Variants in KCNG3 observed in about 807,000 individuals in gnomAD.
The protein encoded by KCNG3 is potassium voltage-gated channel modifier subfamily G member 3, also known as voltage-gated potassium channel regulatory subunit KCNG3.
Under a neutral mutation model 29.0 loss-of-function variants are expected in KCNG3, and 15 were observed. The ratio of observed to expected loss-of-function variants is 0.52; its 90% confidence interval spans 0.35 to 0.80. The LOEUF is 0.80. Among genes scored for constraint, KCNG3 ranks in the 30% least tolerant of loss-of-function variants. KCNG3 has a pLI of 0.01. For missense variants in KCNG3, 512 were observed against 605.7 expected (o/e 0.85, Z 1.62); for synonymous variants, 322 against 248.9 (o/e 1.29, Z -2.76).
intron 1 of KCNG3, among the ~76,000 whole-genome samples, chr2:42,488,720 T>C (rs867101366): frequency 1.1e-4 from 17 of 151,988 alleles, no homozygotes; most frequent in African/African-American, 4.1e-4. Context: ...CAGCTAATTT[T>C]TGTATTTTTA....
chr2:42,395,674 G>A, the KCNG3 span, among the ~76,000 whole-genome samples: 2 of 152,160 alleles, frequency 1.3e-5, no homozygotes, highest in African/African-American at 4.8e-5. Context: ...ATACATTTAA[G>A]CCAGCCATGT....
At chr2:42,447,803 C>T (rs1386299706) in intron 1 of KCNG3, among the ~76,000 whole-genome samples, 1 of 152,044 alleles carries the variant, frequency 6.6e-6, no homozygotes, top group Non-Finnish European at 1.5e-5. Context: ...TTCCAAAGCA[C>T]TGGAATTACA....
the KCNG3 span, among the ~76,000 whole-genome samples, chr2:42,435,915 T>A: frequency 7.9e-5 from 12 of 152,206 alleles, no homozygotes; most frequent in Non-Finnish European, 1.6e-4. Flanking sequence ...AGAAACCCTA[T>A]GTCCACATGA....
At chr2:42,492,634 G>T (rs1040425727) in intron 1 of KCNG3, among the ~76,000 whole-genome samples, 1 of 152,234 alleles carries the variant, frequency 6.6e-6, no homozygotes, top group Admixed American at 6.5e-5. Context: ...TCTAGTGTAA[G>T]GGCCAGACCC....
chr2:42,467,897 A>C (rs1184102396), intron 1 of KCNG3, among the ~76,000 whole-genome samples: 1 of 147,604 alleles, frequency 6.8e-6, no homozygotes, highest in Non-Finnish European at 1.5e-5. Flanking sequence ...CCGAGCCTGG[A>C]GAGATTGAGG....
intron 1 of KCNG3, among the ~76,000 whole-genome samples, chr2:42,489,093 A>G (rs1470592555): frequency 2.0e-5 from 3 of 151,188 alleles, no homozygotes; most frequent in Non-Finnish European, 4.4e-5. Flanking sequence ...CCAGGAGTTC[A>G]CAACAGGCCT....
Position 42,443,868 on chromosome 2 carries a change from C to G in KCNG3, c.*66G>C. ...ACTGCAGTGCTCACCCAGCAAGAAA[C>G]ACATAAATATGAAGCAGCATCAAAG... On this transcript the variant is annotated 3_prime_UTR_variant, in exon 2 of 2. Transcript: ENST00000306078. 1 of 1,453,374 alleles carries G rather than the reference C, an allele frequency of 6.9e-7. No homozygotes were observed. The highest frequency in any genetic ancestry group is 9.4e-7 in the Non-Finnish European group (1 of 1,068,940). The allele number at this position is 1,453,374 out of a possible 1,614,324, so 90.0% of individuals were successfully genotyped here.
the KCNG3 span, among the ~76,000 whole-genome samples, chr2:42,418,954 T>C: frequency 6.6e-6 from 1 of 152,150 alleles, no homozygotes; most frequent in African/African-American, 2.4e-5. Context: ...TTAATGATTA[T>C]TAGTAATAAC....
At chr2:42,399,141 T>A in the KCNG3 span, among the ~76,000 whole-genome samples, 1 of 149,908 alleles carries the variant, frequency 6.7e-6, no homozygotes, top group African/African-American at 2.5e-5. Context: ...ACTGCAGCCT[T>A]GACCTCCTGG....
At chr2:42,484,798 G>T (rs750967701) in intron 1 of KCNG3, among the ~76,000 whole-genome samples, 3 of 152,228 alleles carry the variant, frequency 2.0e-5, no homozygotes, top group Non-Finnish European at 2.9e-5. Context: ...ATTGACAAAA[G>T]AAAGTTTCCA....
At chr2:42,472,533 G>A (rs948574002) in intron 1 of KCNG3, among the ~76,000 whole-genome samples, 4 of 149,870 alleles carry the variant, frequency 2.7e-5, no homozygotes, top group East Asian at 2.0e-4. Context: ...AAGGACTCAC[G>A]CTGTTACCCA....
chr2:42,449,598 A>G (rs1291594274), intron 1 of KCNG3, among the ~76,000 whole-genome samples: 1 of 146,704 alleles, frequency 6.8e-6, no homozygotes, highest in Non-Finnish European at 1.5e-5. Flanking sequence ...GCTCACTGCA[A>G]CCTCCACCTC....
chr2:42,465,532 A>G lies in KCNG3; in HGVS notation c.666-20953T>C, dbSNP rs116445409. Among the ~76,000 whole-genome samples the G allele has an allele frequency of 9.8e-3, 1,486 of 152,288 alleles. 26 individuals carry two copies. Among genetic ancestry groups the G allele is most frequent in the African/African-American group, 0.033 (1,358 of 41,552 alleles). ...GTCCTCAGCCTATAAAGATTTTAGA[A>G]GAAAACACAGGAGTAATGTTTGTGA... On this transcript the variant is annotated intron_variant, in intron 1 of 1. Transcript: ENST00000306078.
chr2:42,467,089 A>T (rs1156702578), intron 1 of KCNG3, among the ~76,000 whole-genome samples: 1 of 152,078 alleles, frequency 6.6e-6, no homozygotes, highest in Non-Finnish European at 1.5e-5. Flanking sequence ...AAAATATATT[A>T]AACCACTCCA....
At chr2:42,420,214 A>G in the KCNG3 span, among the ~76,000 whole-genome samples, 3 of 152,140 alleles carry the variant, frequency 2.0e-5, no homozygotes, top group African/African-American at 4.8e-5. Context: ...ACGAGTGAAA[A>G]GAGCGAAACT....
In KCNG3 at chr2:42,444,297, G is replaced by C. The variant is rs147176904; in HGVS notation, c.948C>G (p.Leu316=). The part of the protein sequence containing the change: ...FIGLQTLGLT[L]KRCYREMVML... Reference sequence around the variant, plus strand: ...TAACCATCTCTCGGTAGCAACGTTTGAGAGTCAAACCGAGTGTCTGAAGAC... The same window carrying C: ...TAACCATCTCTCGGTAGCAACGTTTCAGAGTCAAACCGAGTGTCTGAAGAC... The change falls in exon 2 of 2, where the codon CTC becomes CTG. Residue 316 remains leucine (L), a synonymous_variant. Coordinates refer to ENST00000306078, the MANE Select transcript of KCNG3 (RefSeq NM_133329.6). The surrounding 1 kb of genome is among the most constrained non-coding windows in gnomAD (Gnocchi z 5.8). 2.7e-4 allele frequency: 440 copies of C among 1,614,088 alleles called. No individual in the cohort carries two copies. The highest frequency in any genetic ancestry group is 3.5e-4 in the Non-Finnish European group (409 of 1,180,054).
intron 1 of KCNG3, among the ~76,000 whole-genome samples, chr2:42,477,257 G>C (rs1255750405): frequency 1.3e-5 from 2 of 150,588 alleles, no homozygotes; most frequent in Admixed American, 6.6e-5. Flanking sequence ...GGTTTCCAGT[G>C]ACTGCTAAAT....
intron 1 of KCNG3, among the ~76,000 whole-genome samples, chr2:42,456,319 A>G (rs2103681663): frequency 6.6e-6 from 1 of 152,236 alleles, no homozygotes; most frequent in East Asian, 1.9e-4. Flanking sequence ...TCATCTTCTT[A>G]GTAGTTCGAG....
At chr2:42,420,681 C>T in the KCNG3 span, among the ~76,000 whole-genome samples, 26 of 152,066 alleles carry the variant, frequency 1.7e-4, no homozygotes, top group East Asian at 5.8e-4. Flanking sequence ...CCCAGCTACT[C>T]GGGAGGCTGA....
Sources: allele counts gnomAD v4.1 joint callset (sites outside exome capture counted in the v4.1 genomes callset), GRCh38; gene constraint gnomAD v4.1.1; non-coding constraint Gnocchi (gnomAD v3.1); transcripts MANE v1.5; gene names NCBI Gene and HGNC (gene_info 2026-07-23, HGNC 2026-07-21).